Variants in CACNB2 observed in about 807,000 individuals in gnomAD.
The protein encoded by CACNB2 is calcium voltage-gated channel auxiliary subunit beta 2.
In CACNB2, 42 loss-of-function variants were observed where a neutral mutation model predicts 73.3. The ratio of observed to expected loss-of-function variants is 0.57; its 90% confidence interval spans 0.45 to 0.74. The LOEUF is 0.74. CACNB2 is among the 30% of genes least tolerant of loss of function. CACNB2 has a pLI of 0.00. For missense variants in CACNB2, 940 were observed against 853.0 expected, an observed-to-expected ratio of 1.10 and a Z score of -1.27; for synonymous variants, 348 against 310.3, an observed-to-expected ratio of 1.12 and a Z score of -1.28.
At chr10:18,482,703 G>A (rs186600159) in intron 3 of CACNB2, among the ~76,000 whole-genome samples, 1 of 151,972 alleles carries the variant, frequency 6.6e-6, no homozygotes, top group Non-Finnish European at 1.5e-5. Flanking sequence ...GTAGAGACAG[G>A]GTTTCACCAC....
chr10:18,264,473 G>A (rs1403686956), intron 2 of CACNB2, among the ~76,000 whole-genome samples: 2 of 152,182 alleles, frequency 1.3e-5, no homozygotes, highest in African/African-American at 2.4e-5. Flanking sequence ...CTCAAATCAA[G>A]AAACCAAGCA....
At chr10:18,416,701 T>G (rs1339364833) in intron 3 of CACNB2, among the ~76,000 whole-genome samples, 1 of 152,194 alleles carries the variant, frequency 6.6e-6, no homozygotes, top group African/African-American at 2.4e-5. Context: ...CAACTTTTTT[T>G]CAATGAGCCT....
chr10:18,251,823 C>T (rs1233829709), intron 2 of CACNB2, among the ~76,000 whole-genome samples: 3 of 152,066 alleles, frequency 2.0e-5, no homozygotes, highest in East Asian at 1.9e-4. Flanking sequence ...CATCAGATCT[C>T]GTGAGAACTC....
chr10:18,378,071 G>A (rs1297139066), intron 2 of CACNB2, among the ~76,000 whole-genome samples: 1 of 152,144 alleles, frequency 6.6e-6, no homozygotes, highest in African/African-American at 2.4e-5. Context: ...TTAGGGAAAT[G>A]ATCTAATCAA....
At chr10:18,490,188 C>T (rs561281815) in intron 3 of CACNB2, among the ~76,000 whole-genome samples, 1 of 152,308 alleles carries the variant, frequency 6.6e-6, no homozygotes, top group Admixed American at 6.5e-5. Context: ...AGCACTTTTA[C>T]ATTATTGTCT....
chr10:18,531,363 G>A (rs531704113), intron 10 of CACNB2, among the ~76,000 whole-genome samples: 1 of 152,232 alleles, frequency 6.6e-6, no homozygotes, highest in East Asian at 1.9e-4. Flanking sequence ...GCCCCAGTGT[G>A]TGTGTCATTA....
chr10:18,188,259 C>A (rs1466989561), intron 2 of CACNB2, among the ~76,000 whole-genome samples: 1 of 142,996 alleles, frequency 7.0e-6, no homozygotes, highest in African/African-American at 3.0e-5. Context: ...TGCCTTCTTT[C>A]CTTCTTGCCT....
chr10:18,289,658 C>T (rs1263739048), intron 2 of CACNB2, among the ~76,000 whole-genome samples: 1 of 152,050 alleles, frequency 6.6e-6, no homozygotes, highest in African/African-American at 2.4e-5. Context: ...AGAACATTTT[C>T]AGCAAATGGT....
intron 2 of CACNB2, among the ~76,000 whole-genome samples, chr10:18,209,074 T>G (rs1277866457): frequency 6.6e-6 from 1 of 152,264 alleles, no homozygotes; most frequent in Non-Finnish European, 1.5e-5. Flanking sequence ...CCACATTACC[T>G]GCAGAACTGC....
chr10:18,506,369 A>G, intron 5 of CACNB2, 102 bp from the exon 6 acceptor site: 1 of 730,470 alleles, frequency 1.4e-6, no homozygotes, highest in Non-Finnish European at 2.5e-6. Context: ...GATAAATTTA[A>G]AGTTGAATAA....
chr10:18,328,106 T>G (rs1383154468), intron 2 of CACNB2, among the ~76,000 whole-genome samples: 1 of 152,162 alleles, frequency 6.6e-6, no homozygotes, highest in Non-Finnish European at 1.5e-5. Flanking sequence ...TTAGAAGTCA[T>G]CAAATGCTGG....
At chr10:18,468,424 G>T (rs920995104) in intron 3 of CACNB2, among the ~76,000 whole-genome samples, 2 of 152,036 alleles carry the variant, frequency 1.3e-5, no homozygotes, top group Non-Finnish European at 2.9e-5. Context: ...TGACACCACT[G>T]CATTCCAGCC....
intron 2 of CACNB2, among the ~76,000 whole-genome samples, chr10:18,276,187 A>G (rs975499463): frequency 6.6e-6 from 1 of 152,230 alleles, no homozygotes; most frequent in African/African-American, 2.4e-5. Context: ...AGCTCAGACA[A>G]TTTCACGATA....
intron 6 of CACNB2, among the ~76,000 whole-genome samples, chr10:18,509,127 AT>A (rs1430561465): frequency 1.3e-5 from 2 of 152,212 alleles, no homozygotes; most frequent in Non-Finnish European, 2.9e-5. Flanking sequence ...CTCTGAGACA[AT>A]TTTTATATCA....
intron 3 of CACNB2, among the ~76,000 whole-genome samples, chr10:18,439,825 G>C (rs1456177195): frequency 6.6e-6 from 1 of 152,158 alleles, no homozygotes; most frequent in African/African-American, 2.4e-5. Context: ...CTGCATGCCA[G>C]TGATCTCCCA....
chr10:18,202,987 C>T (rs537644872), intron 2 of CACNB2, among the ~76,000 whole-genome samples: 1 of 152,282 alleles, frequency 6.6e-6, no homozygotes, highest in South Asian at 2.1e-4. Context: ...CCCCATTAAG[C>T]GAGCCATCAC....
At chr10:18,284,076 T>TA (rs1033241107) in intron 2 of CACNB2, among the ~76,000 whole-genome samples, 1 of 151,666 alleles carries the variant, frequency 6.6e-6, no homozygotes, top group Non-Finnish European at 1.5e-5. Flanking sequence ...AAAATAAAAA[T>TA]AAAAAAATAA....
intron 13 of CACNB2, among the ~76,000 whole-genome samples, chr10:18,538,710 C>A (rs933003765): frequency 6.6e-6 from 1 of 152,108 alleles, no homozygotes; most frequent in Non-Finnish European, 1.5e-5. Flanking sequence ...ATAATGGCAA[C>A]CTGTCCAAGA....
At chr10:18,304,321 C>T (rs2039643864) in intron 2 of CACNB2, among the ~76,000 whole-genome samples, 1 of 152,076 alleles carries the variant, frequency 6.6e-6, no homozygotes, top group Admixed American at 6.6e-5. Context: ...TTTCTCAATA[C>T]ACAATGGGCA....
Sources: allele counts gnomAD v4.1 joint callset (sites outside exome capture counted in the v4.1 genomes callset), GRCh38; gene constraint gnomAD v4.1.1; transcripts MANE v1.5; gene names NCBI Gene and HGNC (gene_info 2026-07-23, HGNC 2026-07-21).